The following PTPRJ variants were observed in gnomAD, a reference collection of about 807,000 sequenced individuals.
The protein encoded by PTPRJ is receptor-type tyrosine-protein phosphatase eta.
A neutral mutation model predicts 141.3 loss-of-function variants in PTPRJ; 129 were observed. The ratio of observed to expected loss-of-function variants is 0.91; its 90% confidence interval spans 0.79 to 1.06. The LOEUF (loss-of-function observed/expected upper bound fraction) is 1.06. Among genes scored for constraint, PTPRJ ranks in the 50% least tolerant of loss-of-function variants. PTPRJ has a pLI of 0.00. For missense variants in PTPRJ, 1,601 were observed against 1,679.7 expected (o/e 0.95, Z 0.82); for synonymous variants, 610 against 640.5 (o/e 0.95, Z 0.72).
intron 1 of PTPRJ, among the ~76,000 whole-genome samples, chr11:48,053,453 T>C (rs1397270477): frequency 8.7e-6 from 1 of 115,146 alleles, no homozygotes; most frequent in Non-Finnish European, 1.6e-5. Context: ...TATTATATAC[T>C]ATATATTATA....
chr11:48,113,092 T>C, intron 3 of PTPRJ, 109 bp downstream of exon 3: 2 of 863,056 alleles, frequency 2.3e-6, no homozygotes, highest in Non-Finnish European at 3.5e-6. Context: ...AAGAAAATCT[T>C]TTTAAAAATT....
intron 1 of PTPRJ, among the ~76,000 whole-genome samples, chr11:47,997,532 G>A (rs975873755): frequency 9.2e-5 from 14 of 152,150 alleles, no homozygotes; most frequent in African/African-American, 3.4e-4. Context: ...CTGCGTCTGG[G>A]CATCTAGGTG....
At chr11:48,110,611 C>T (rs1856414135) in intron 2 of PTPRJ, among the ~76,000 whole-genome samples, 1 of 152,192 alleles carries the variant, frequency 6.6e-6, no homozygotes, top group Admixed American at 6.5e-5. Flanking sequence ...TTTTTTCTAG[C>T]CTCATCTGTG....
rs766959266 is a variant in PTPRJ, at chr11:48,160,067, A to G, written c.3558+18A>G. 1 of 1,612,684 alleles carries G rather than the reference A, an allele frequency of 6.2e-7. No individual in the cohort carries two copies. Among genetic ancestry groups the G allele is most frequent in the African/African-American group, 1.3e-5 (1 of 75,006 alleles). The stretch of plus-strand genomic sequence containing the variant: ...TGAAAAATGTAAGTAAGAAGTCAGG[A>G]TCAGTTGAGCTCATGTAATTACCAT... On this transcript the variant is annotated intron_variant, in intron 22 of 24. Transcript: ENST00000418331.
intron 4 of PTPRJ, 69 bp downstream of exon 4, chr11:48,121,335 C>A: frequency 6.7e-7 from 1 of 1,503,158 alleles, no homozygotes; most frequent in Non-Finnish European, 9.1e-7. Flanking sequence ...GGGCCTTGTC[C>A]GTTCAAGTTG....
intron 1 of PTPRJ, among the ~76,000 whole-genome samples, chr11:48,015,370 T>C (rs1007343056): frequency 3.3e-5 from 5 of 152,026 alleles, no homozygotes; most frequent in African/African-American, 1.2e-4. Context: ...TGGCCCATCT[T>C]GACACTTCTG....
At chr11:48,140,599 C>T (rs2134364596) in intron 11 of PTPRJ, among the ~76,000 whole-genome samples, 1 of 152,288 alleles carries the variant, frequency 6.6e-6, no homozygotes, top group African/African-American at 2.4e-5. Context: ...CATGGGAACG[C>T]CACCTCCCAG....
intron 7 of PTPRJ, among the ~76,000 whole-genome samples, chr11:48,129,465 C>T (rs1856920110): frequency 6.6e-6 from 1 of 152,146 alleles, no homozygotes; most frequent in Non-Finnish European, 1.5e-5. Flanking sequence ...TTCATGACCT[C>T]ACATTAACTT....
At chr11:47,999,049 G>A (rs180851289) in intron 1 of PTPRJ, among the ~76,000 whole-genome samples, 1 of 152,302 alleles carries the variant, frequency 6.6e-6, no homozygotes, top group East Asian at 1.9e-4. Context: ...TCCCCTCAAA[G>A]AATGTCAGAG....
At chr11:47,988,903 T>TTTTTTTTTTTTGTTTG (rs1854119827) in intron 1 of PTPRJ, among the ~76,000 whole-genome samples, 1 of 144,478 alleles carries the variant, frequency 6.9e-6, no homozygotes, top group African/African-American at 2.6e-5. Flanking sequence ...TTTTTTTTTT[T>TTTTTTTTTTTTGTTTG]TTGAGACGGA....
At chr11:48,000,073 G>C (rs1264538622) in intron 1 of PTPRJ, among the ~76,000 whole-genome samples, 1 of 151,536 alleles carries the variant, frequency 6.6e-6, no homozygotes, top group Non-Finnish European at 1.5e-5. Flanking sequence ...TGGCCAGGCT[G>C]GTCTTGCCCT....
At chr11:48,133,512 C>G (rs2134355643) in intron 8 of PTPRJ, among the ~76,000 whole-genome samples, 1 of 152,150 alleles carries the variant, frequency 6.6e-6, no homozygotes, top group East Asian at 1.9e-4. Context: ...ATCAAATAAC[C>G]TTTATTGTTA....
chr11:48,136,270 A>G lies in PTPRJ; in HGVS notation c.1847A>G (p.Asp616Gly). Residue 616 changes from aspartate (D) to glycine (G), a missense_variant, in exon 9 of 25, where the codon GAC becomes GGC. Transcript: ENST00000418331. ...ISPEVDHVWGDPNSTAQYTRP... is the reference protein window; with the variant it reads ...ISPEVDHVWGGPNSTAQYTRP... ...CCAGAAGTGGACCACGTCTGGGGGG[A>G]CCCCAACTCCACTGCACAGTACACA... 6.2e-7 allele frequency: 1 copy of G among 1,613,862 alleles called. No homozygotes were observed.
chr11:48,054,887 A>G (rs1174558601), intron 1 of PTPRJ, among the ~76,000 whole-genome samples: 2 of 150,900 alleles, frequency 1.3e-5, no homozygotes, highest in East Asian at 3.9e-4. Flanking sequence ...GAAGGGGGGT[A>G]TATAAAGCCG....
intron 1 of PTPRJ, among the ~76,000 whole-genome samples, chr11:48,001,577 G>A (rs1014276636): frequency 3.9e-5 from 6 of 152,144 alleles, no homozygotes; most frequent in African/African-American, 1.4e-4. Context: ...ATACTAATAA[G>A]TAACTGACAG....
chr11:48,029,149 C>T (rs535398886), intron 1 of PTPRJ, among the ~76,000 whole-genome samples: 104 of 152,272 alleles, frequency 6.8e-4, no homozygotes, highest in Admixed American at 3.0e-3. Flanking sequence ...AGGTCCTGCC[C>T]GCACAGCCTC....
intron 1 of PTPRJ, among the ~76,000 whole-genome samples, chr11:48,025,532 G>A (rs753329028): frequency 3.3e-5 from 5 of 152,140 alleles, no homozygotes; most frequent in East Asian, 1.9e-4. Flanking sequence ...GTCAGATACC[G>A]GAATTGCCAC....
At chr11:48,001,904 T>G in intron 1 of PTPRJ, among the ~76,000 whole-genome samples, 1 of 152,122 alleles carries the variant, frequency 6.6e-6, no homozygotes, top group East Asian at 1.9e-4. Context: ...ACTTTGACAT[T>G]TACTCTCCTG....
intron 1 of PTPRJ, among the ~76,000 whole-genome samples, chr11:48,020,778 C>A (rs1486577143): frequency 1.3e-5 from 2 of 152,168 alleles, no homozygotes; most frequent in Non-Finnish European, 2.9e-5. Context: ...TCCTCCTGCC[C>A]CTCCCACGTT....
Sources: gnomAD v4.1 joint callset for allele counts (sites outside exome capture counted in the v4.1 genomes callset) on GRCh38, gnomAD v4.1.1 for gene constraint, MANE v1.5 for transcripts, NCBI Gene and HGNC (gene_info 2026-07-23, HGNC 2026-07-21) for gene names.